PSG4: variants seen among roughly 807,000 people sequenced by gnomAD.
The protein encoded by PSG4 is pregnancy-specific beta-1-glycoprotein 4.
Under a neutral mutation model 44.3 loss-of-function variants are expected in PSG4, and 61 were observed. The ratio of observed to expected loss-of-function variants is 1.38; its 90% confidence interval spans 1.12 to 1.70. The LOEUF is 1.70. Among genes scored for constraint, PSG4 ranks in the 40% most tolerant of loss-of-function variants. The pLI is 0.00. For synonymous variants in PSG4, 248 were observed against 191.3 expected, an observed-to-expected ratio of 1.30 and a Z score of -2.45; for missense variants, 677 against 511.7, an observed-to-expected ratio of 1.32 and a Z score of -3.12.
At chr19:43,199,018 G>T (rs114399635) in intron 2 of PSG4, 7,458 of 146,274 alleles carry the variant, frequency 0.051, 871 homozygotes, top group Non-Finnish European at 0.067. Flanking sequence ...CATGATGCTC[G>T]CTTCCCCCTG....
intron 3 of PSG4, among the ~76,000 whole-genome samples, chr19:43,196,223 T>C (rs1481061882): frequency 1.3e-5 from 2 of 151,672 alleles, no homozygotes; most frequent in Admixed American, 6.6e-5. Context: ...TTGGACATTC[T>C]ACTCTCTGAT....
At chr19:43,202,087 G>A (rs1400848402) in intron 2 of PSG4, among the ~76,000 whole-genome samples, 1 of 145,738 alleles carries the variant, frequency 6.9e-6, no homozygotes, top group Non-Finnish European at 1.5e-5. Context: ...CACAGTGTTA[G>A]CGGGAAAGGA....
intron 2 of PSG4, among the ~76,000 whole-genome samples, chr19:43,200,612 G>T (rs1204080115): frequency 9.7e-5 from 14 of 144,334 alleles, no homozygotes; most frequent in African/African-American, 2.7e-5. Flanking sequence ...GTCTCGCTCT[G>T]TTGCCCAGGC....
intron 2 of PSG4, chr19:43,203,128 TATTAATTTGCTTCC>T (rs1234501066): frequency 2.0e-5 from 3 of 146,438 alleles, no homozygotes; most frequent in Non-Finnish European, 4.4e-5. Context: ...CAGCATTTAT[TATTAATTTGCTTCC>T]ATGAGAAAAC....
chr19:43,205,498 G>T lies in PSG4; in HGVS notation c.39C>A (p.Ile13=), dbSNP rs267605522. Residue 13 remains isoleucine, a synonymous_variant, in exon 1 of 6, where the codon ATC becomes ATA. Coordinates refer to ENST00000405312, the MANE Select transcript of PSG4 (RefSeq NM_002780.5). ...PLSAPPCTQR[I]TWKGVLLTAS... ...CTGTGAGCAGGACCCCCTTCCAGGT[G>T]ATGCGCTGTGTGCAGGGAGGGGCTG... 1.4e-5 allele frequency: 22 copies of T among 1,553,758 alleles called. 1 individual carries two copies. In the South Asian group the frequency reaches 1.8e-4, roughly 13 times the overall value.
chr19:43,200,646 G>T (rs1189250193), intron 2 of PSG4, among the ~76,000 whole-genome samples: 1 of 145,056 alleles, frequency 6.9e-6, no homozygotes, highest in Non-Finnish European at 1.5e-5. Context: ...CATGATCTCA[G>T]CTCACTGCAA....
intron 1 of PSG4, chr19:43,204,500 T>C (rs1436557627): frequency 1.9e-5 from 10 of 526,578 alleles, no homozygotes; most frequent in Non-Finnish European, 2.7e-5. Context: ...TGGATTCCTC[T>C]TCCCCAGGGG....
chr19:43,204,698 C>CTCCCCCCT (rs1555724318), intron 1 of PSG4: 5 of 155,676 alleles, frequency 3.2e-5, no homozygotes, highest in Non-Finnish European at 6.1e-5. Flanking sequence ...CTGTCTTCCC[C>CTCCCCCCT]CCACGATGAC....
In PSG4 at chr19:43,193,085, G is replaced by A; in HGVS notation, c.*287C>T. 1.6e-6 allele frequency: 1 copy of A among 616,830 alleles called. No individual in the cohort carries two copies. Among genetic ancestry groups the A allele is most frequent in the Non-Finnish European group, 2.9e-6 (1 of 344,240 alleles). The allele number at this position is 616,830 out of a possible 1,614,324, so 38.2% of individuals were successfully genotyped here. On this transcript the variant is annotated 3_prime_UTR_variant, in exon 6 of 6. Transcript: ENST00000405312. ...CAGGCATGAGCAAGGACGGTTAAGA[G>A]GGGTGGGAGCCTTATCATGATGGGG...
Position 43,194,395 on chromosome 19 carries a change from A to G in PSG4, c.1188T>C (p.Val396=), listed in dbSNP as rs759450944. Residue 396 remains valine, a synonymous_variant, in exon 5 of 6, where the codon GTT becomes GTC. Coordinates refer to ENST00000405312, the MANE Select transcript of PSG4 (RefSeq NM_002780.5). ...TKHSGLYACS[V]RNSATGKESS... ...TTTCCTTGCCAGTGGCTGAGTTACG[A>G]ACAGAGCAAGCATAGAGCCCACTAT... The G allele has an allele frequency of 8.7e-6, 14 of 1,612,418 alleles. No individual in the cohort carries two copies. In the Middle Eastern group the frequency reaches 6.6e-4, roughly 76 times the overall value.
intron 5 of PSG4, 114 bp from the exon 6 acceptor site, chr19:43,193,502 T>A (rs972465470): frequency 2.8e-6 from 2 of 726,882 alleles, no homozygotes; most frequent in Admixed American, 3.8e-5. Context: ...ATCTCTAGTT[T>A]TACCAATGAT....
rs897814395 is a variant in PSG4 at position 43,193,924 on chromosome 19, G to C, written c.1243+416C>G. ...CCCAATTCTGGGGCAGTCAGGTAGA[G>C]AGCAAAAGTAAATGTTTCAATTACG... On this transcript the variant is annotated intron_variant, in intron 5 of 5. Coordinates refer to ENST00000405312, the MANE Select transcript of PSG4 (RefSeq NM_002780.5). 3.9e-5 allele frequency: 29 copies of C among 738,496 alleles called. No individual in the cohort carries two copies. The East Asian group carries it at 5.7e-4, about 15-fold the overall frequency. 45.7% of individuals were successfully genotyped at this position (738,496 alleles called of 1,614,324 possible).
intron 1 of PSG4, 200 bp from the exon 2 acceptor site, chr19:43,204,451 C>T: frequency 1.3e-6 from 1 of 778,686 alleles, no homozygotes; most frequent in Non-Finnish European, 1.9e-6. Context: ...AGCATGACCC[C>T]CATTCCTTCA....
rs1967347938 is a variant in PSG4 at position 43,198,282 on chromosome 19, A to G, written c.431-7T>C. ...GAGGGCTTGGGAGTCTCCACTGTGC[A>G]GAAAACAGAGAGAGGTTTGCCCTGT... On this transcript the variant is annotated splice_polypyrimidine_tract_variant and splice_region_variant and intron_variant, in intron 2 of 5. Transcript: ENST00000405312. 1.3e-6 allele frequency: 2 copies of G among 1,581,754 alleles called. No homozygotes were observed. The highest frequency in any genetic ancestry group is 1.7e-6 in the Non-Finnish European group (2 of 1,169,186).
At chr19:43,196,256 G>A (rs1004457264) in intron 3 of PSG4, among the ~76,000 whole-genome samples, 5 of 151,510 alleles carry the variant, frequency 3.3e-5, no homozygotes, top group Admixed American at 6.6e-5. Context: ...ACTACTCTAG[G>A]GACCTCATGT....
intron 2 of PSG4, among the ~76,000 whole-genome samples, chr19:43,200,613 T>A (rs1967464098): frequency 6.9e-6 from 1 of 144,822 alleles, no homozygotes; most frequent in Admixed American, 6.9e-5. Flanking sequence ...TCTCGCTCTG[T>A]TGCCCAGGCT....
intron 5 of PSG4, chr19:43,193,876 A>C (rs1460643236): frequency 1.1e-5 from 7 of 663,332 alleles, no homozygotes; most frequent in Non-Finnish European, 1.6e-5. Context: ...TACCATAAAC[A>C]TATCAATACT....
In PSG4 at chr19:43,205,111, C is replaced by CTTTTTTTTTTTTTTTTTTTTTTTTTTT. The variant is rs59165427; in HGVS notation, c.64+361_64+362insAAAAAAAAAAAAAAAAAAAAAAAAAAA. 6.6e-5 allele frequency among the ~76,000 whole-genome samples: 6 copies of CTTTTTTTTTTTTTTTTTTTTTTTTTTT among 90,838 alleles called. 1 individual carries two copies. The highest frequency in any genetic ancestry group is 1.0e-4 in the African/African-American group (2 of 19,424). The allele number at this position is 90,838 out of a possible 152,430, so 59.6% of individuals were successfully genotyped here. A position where few individuals can be genotyped will look rare whatever the true frequency, so the allele number is the denominator to read the frequency against. ...TTCTTTTTTCTTTTTTTCCTTTTTT[C>CTTTTTTTTTTTTTTTTTTTTTTTTTTT]TTTTTTTTTTTTTTGAGACGGAGTC... On this transcript the variant is annotated intron_variant, in intron 1 of 5. Coordinates refer to ENST00000405312, the MANE Select transcript of PSG4 (RefSeq NM_002780.5).
rs780114082 is a variant in PSG4 at position 43,194,577 on chromosome 19, T to C, written c.1006A>G (p.Ser336Gly). The change falls in exon 5 of 6, where the codon AGC (serine) becomes GGC (glycine). Residue 336 changes from serine to glycine, a missense_variant. Ser to Gly is a moderately conservative substitution (Grantham distance 56). Transcript: ENST00000405312. ...LNVLYGPDLP[S>G]IYPSFTYYRS... is the part of the protein sequence containing the mutation. ...TAATAGGTGAATGAAGGGTAAATGCTGGGGAGGTCTGGACCATCTGGCGCA... is the reference window on the plus strand; with the variant it reads ...TAATAGGTGAATGAAGGGTAAATGCCGGGGAGGTCTGGACCATCTGGCGCA... 4.3e-6 allele frequency: 7 copies of C among 1,611,586 alleles called. No individual in the cohort carries two copies. Among genetic ancestry groups the C allele is most frequent in the Non-Finnish European group, 5.9e-6 (7 of 1,178,604 alleles).
Sources: gnomAD v4.1 joint callset for allele counts (sites outside exome capture counted in the v4.1 genomes callset) on GRCh38, gnomAD v4.1.1 for gene constraint, MANE v1.5 for transcripts, NCBI Gene and HGNC (gene_info 2026-07-23, HGNC 2026-07-21) for gene names.